The following OSBPL9 variants were observed in gnomAD, a reference collection of about 807,000 sequenced individuals.
OSBPL9 encodes the protein oxysterol-binding protein-related protein 9.
OSBPL9 carries 40 observed loss-of-function variants against 106.6 expected under a neutral mutation model. The observed-to-expected ratio is 0.38, with a 90% CI of 0.29 to 0.49. The LOEUF (loss-of-function observed/expected upper bound fraction) is 0.49. Ranked by LOEUF, OSBPL9 falls within the 20% of genes least tolerant of loss-of-function variation. OSBPL9 has a pLI of 0.97. For missense variants in OSBPL9, 609 were observed against 887.2 expected, an observed-to-expected ratio of 0.69 and a Z score of 3.98; for synonymous variants, 269 against 295.4, an observed-to-expected ratio of 0.91 and a Z score of 0.92.
the OSBPL9 span, among the ~76,000 whole-genome samples, chr1:51,568,053 A>T: frequency 6.6e-6 from 1 of 152,252 alleles, no homozygotes; most frequent in Non-Finnish European, 1.5e-5. Context: ...AACATAAAGT[A>T]TAGTGCTATG....
chr1:51,787,842 G>A lies in OSBPL9; in HGVS notation c.*53G>A. The A allele has an allele frequency of 6.9e-7, 1 of 1,457,628 alleles. No individual in the cohort carries two copies. Among genetic ancestry groups the A allele is most frequent in the Non-Finnish European group, 9.6e-7 (1 of 1,040,120 alleles). The allele number at this position is 1,457,628 out of a possible 1,614,324, so 90.3% of individuals were successfully genotyped here. A position where few individuals can be genotyped will look rare whatever the true frequency, so the allele number is the denominator to read the frequency against. Reference sequence around the variant, plus strand: ...TGATCAGGGCAGTAGGCATAATTCAGCAACAAACAATCTTCCTTTGGGAGA... The same window carrying A: ...TGATCAGGGCAGTAGGCATAATTCAACAACAAACAATCTTCCTTTGGGAGA... On this transcript the variant is annotated 3_prime_UTR_variant, in exon 24 of 24. Transcript: ENST00000428468.
At chr1:51,592,115 T>TTC (rs1645278844) in intron 1 of OSBPL9, among the ~76,000 whole-genome samples, 1 of 140,186 alleles carries the variant, frequency 7.1e-6, no homozygotes, top group Non-Finnish European at 1.6e-5. Context: ...AGGCTTTTTT[T>TTC]TTTTTTTTTT....
intron 4 of OSBPL9, among the ~76,000 whole-genome samples, chr1:51,715,250 A>T (rs1660818369): frequency 6.6e-6 from 1 of 152,192 alleles, no homozygotes; most frequent in Admixed American, 6.5e-5. Flanking sequence ...TTATTAGGGG[A>T]CTTTAAGAAA....
chr1:51,648,653 C>G (rs1646318507), intron 1 of OSBPL9, among the ~76,000 whole-genome samples: 1 of 152,200 alleles, frequency 6.6e-6, no homozygotes, highest in African/African-American at 2.4e-5. Flanking sequence ...GATGCTATTA[C>G]AGCTCAGATA....
Position 51,653,940 on chromosome 1 carries a change from T to A in OSBPL9, c.162+1899T>A, listed in dbSNP as rs1359114827. Among the ~76,000 whole-genome samples, 3 of 151,856 alleles carry A rather than the reference T, an allele frequency of 2.0e-5. No homozygotes were observed. The East Asian group carries it at 5.8e-4, about 29-fold the overall frequency. On this transcript the variant is annotated intron_variant, in intron 2 of 23. Coordinates refer to ENST00000428468, the MANE Select transcript of OSBPL9 (RefSeq NM_024586.6). ...TCACTTGAGCCCAGGAAGTCAAGGC[T>A]GTAGTGAGCCATAATTGTGCCACTG...
intron 1 of OSBPL9, among the ~76,000 whole-genome samples, 191 bp from the exon 2 acceptor site, chr1:51,651,800 T>C (rs1646535770): frequency 1.3e-5 from 2 of 152,246 alleles, no homozygotes; most frequent in Admixed American, 6.5e-5. Flanking sequence ...GGTTAATTTA[T>C]ATAGACTGTA....
At chr1:51,770,893 T>C (rs1673717591) in intron 12 of OSBPL9, among the ~76,000 whole-genome samples, 1 of 152,160 alleles carries the variant, frequency 6.6e-6, no homozygotes, top group Non-Finnish European at 1.5e-5. Context: ...GGATACATGT[T>C]GTCATATATT....
At chr1:51,784,706 T>C in intron 20 of OSBPL9, 124 bp downstream of exon 20, 1 of 1,147,070 alleles carries the variant, frequency 8.7e-7, no homozygotes, top group East Asian at 2.4e-5. Flanking sequence ...GTGTTTCACA[T>C]TTTATGTGTC....
intron 2 of OSBPL9, among the ~76,000 whole-genome samples, chr1:51,605,615 G>A (rs1643941336): frequency 6.6e-6 from 1 of 152,166 alleles, no homozygotes; most frequent in South Asian, 2.1e-4. Flanking sequence ...ATCATATTTG[G>A]AGGTGGGAAG....
intron 3 of OSBPL9, among the ~76,000 whole-genome samples, chr1:51,679,419 C>G (rs1306647028): frequency 6.6e-6 from 1 of 152,146 alleles, no homozygotes; most frequent in African/African-American, 2.4e-5. Context: ...AAAGATGATA[C>G]TAATAATCAT....
Position 51,690,038 on chromosome 1 carries a change from G to A in OSBPL9, c.241+20526G>A, listed in dbSNP as rs185173272. Among the ~76,000 whole-genome samples, 14 of 152,030 alleles carry A rather than the reference G, an allele frequency of 9.2e-5. No homozygotes were observed. In the South Asian group the frequency reaches 2.1e-3, roughly 23 times the overall value. ...AAACCATCCTATTTCTAACATTTTTGTAGTCCTTTCGGTATTATATTAATG... is the reference window on the plus strand; with the variant it reads ...AAACCATCCTATTTCTAACATTTTTATAGTCCTTTCGGTATTATATTAATG... On this transcript the variant is annotated intron_variant, in intron 3 of 23. Coordinates refer to ENST00000428468, the MANE Select transcript of OSBPL9 (RefSeq NM_024586.6).
At chr1:51,660,098 A>G (rs776742520) in intron 2 of OSBPL9, among the ~76,000 whole-genome samples, 1 of 152,214 alleles carries the variant, frequency 6.6e-6, no homozygotes, top group Non-Finnish European at 1.5e-5. Context: ...ATTATCACTT[A>G]GTAAATGAAA....
chr1:51,678,518 G>A (rs916684577), intron 3 of OSBPL9, among the ~76,000 whole-genome samples: 4 of 152,010 alleles, frequency 2.6e-5, no homozygotes, highest in Admixed American at 6.6e-5. Flanking sequence ...AAAATAGGCC[G>A]GGCATGGTGA....
intron 14 of OSBPL9, among the ~76,000 whole-genome samples, chr1:51,774,905 A>G (rs72663134): frequency 1.8e-4 from 28 of 152,304 alleles, no homozygotes; most frequent in Admixed American, 3.3e-4. Context: ...GTGAAATTAA[A>G]CTTTTTAAAA....
At chr1:51,694,699 T>C (rs1471198799) in intron 3 of OSBPL9, among the ~76,000 whole-genome samples, 1 of 152,212 alleles carries the variant, frequency 6.6e-6, no homozygotes, top group Non-Finnish European at 1.5e-5. Flanking sequence ...ATTATATGGA[T>C]CTTCCAAATA....
At chr1:51,648,715 C>G (rs1319910485) in intron 1 of OSBPL9, among the ~76,000 whole-genome samples, 1 of 152,180 alleles carries the variant, frequency 6.6e-6, no homozygotes, top group East Asian at 1.9e-4. Flanking sequence ...TGCAACTCAG[C>G]CACATTTTAC....
At chr1:51,573,113 G>C (rs1645160477), upstream of OSBPL9, among the ~76,000 whole-genome samples, 1 of 151,996 alleles carries the variant, frequency 6.6e-6, no homozygotes, top group Admixed American at 6.6e-5. Context: ...TTGGGAGGCT[G>C]AGGCCAGAGA....
intron 4 of OSBPL9, among the ~76,000 whole-genome samples, chr1:51,739,108 G>A (rs11810398): frequency 0.2 from 30,630 of 151,928 alleles, 4,029 homozygotes; most frequent in African/African-American, 0.36. Flanking sequence ...AGCTGTGCTC[G>A]TTTCCACTAT....
chr1:51,768,087 G>A (rs1317276821), intron 12 of OSBPL9, among the ~76,000 whole-genome samples: 2 of 151,462 alleles, frequency 1.3e-5, no homozygotes, highest in African/African-American at 2.4e-5. Flanking sequence ...GACTACAGGC[G>A]CCCGCCACCA....
Sources: allele counts gnomAD v4.1 joint callset (sites outside exome capture counted in the v4.1 genomes callset), GRCh38; gene constraint gnomAD v4.1.1; transcripts MANE v1.5; gene names NCBI Gene and HGNC (gene_info 2026-07-23, HGNC 2026-07-21).